Variants in TENM2 observed in about 807,000 individuals in gnomAD.
TENM2 encodes teneurin transmembrane protein 2.
A neutral mutation model predicts 245.2 loss-of-function variants in TENM2; 52 were observed. The observed-to-expected ratio is 0.21, with a 90% confidence interval of 0.17 to 0.27. The LOEUF (loss-of-function observed/expected upper bound fraction) is 0.27. Ranked by LOEUF, TENM2 falls within the 10% of genes least tolerant of loss-of-function variation. The pLI, the probability that TENM2 is intolerant of heterozygous loss-of-function variation, is 1.00. For synonymous variants in TENM2, 1,363 were observed against 1,438.9 expected, an observed-to-expected ratio of 0.95 and a Z score of 1.19; for missense variants, 3,046 against 3,666.8, an observed-to-expected ratio of 0.83 and a Z score of 4.37.
In TENM2 at chr5:167,351,161, ATATG is replaced by A. The variant is rs936381361; in HGVS notation, c.227-24036_227-24033del. ...GGATATATACATATGGATTATATAT[ATATG>A]GGATATATACATATGGGATATATAT... On this transcript the variant is annotated intron_variant, in intron 1 of 28. Transcript: ENST00000518659. Among the ~76,000 whole-genome samples, 11 of 147,268 alleles carry A rather than the reference ATATG, an allele frequency of 7.5e-5. No homozygotes were observed. In the Middle Eastern group the frequency reaches 0.011, roughly 149 times the overall value.
chr5:167,333,008 TAAAG>T (rs1312460648), intron 1 of TENM2, among the ~76,000 whole-genome samples: 1 of 152,018 alleles, frequency 6.6e-6, no homozygotes, highest in Non-Finnish European at 1.5e-5. Context: ...AAAGGGGAAT[TAAAG>T]AAAAAATGGA....
At chr5:167,350,819 G>GAT (rs1384641142) in intron 1 of TENM2, among the ~76,000 whole-genome samples, 2,024 of 95,344 alleles carry the variant, frequency 0.021, 9 homozygotes, top group Middle Eastern at 0.069. Flanking sequence ...TATACATATG[G>GAT]ATATATATAT....
intron 1 of TENM2, among the ~76,000 whole-genome samples, chr5:167,316,024 TTA>T: frequency 6.6e-6 from 1 of 152,288 alleles, no homozygotes; most frequent in East Asian, 1.9e-4. Context: ...TGCTCAAACA[TTA>T]TCTCTTCCTG....
intron 2 of TENM2, among the ~76,000 whole-genome samples, chr5:167,455,608 T>G (rs1765870638): frequency 6.6e-6 from 1 of 152,204 alleles, no homozygotes; most frequent in South Asian, 2.1e-4. Flanking sequence ...TACATTAATT[T>G]TAGTTGATAA....
chr5:168,127,925 C>A (rs1036833002), intron 12 of TENM2, among the ~76,000 whole-genome samples: 3 of 152,194 alleles, frequency 2.0e-5, no homozygotes, highest in South Asian at 2.1e-4. Context: ...AAGTTTGAGA[C>A]CCTCCCCTCT....
chr5:167,001,778 A>G, the TENM2 span, among the ~76,000 whole-genome samples: 1 of 152,176 alleles, frequency 6.6e-6, no homozygotes, highest in Non-Finnish European at 1.5e-5. Flanking sequence ...ACAGCAAAGC[A>G]CATGGTACAA....
intron 14 of TENM2, among the ~76,000 whole-genome samples, chr5:168,194,165 A>G (rs1048742267): frequency 1.3e-5 from 2 of 152,248 alleles, no homozygotes; most frequent in South Asian, 4.1e-4. Flanking sequence ...GAGTGTGTCC[A>G]GGATGCTGGG....
the TENM2 span, among the ~76,000 whole-genome samples, chr5:167,046,860 C>T: frequency 1.3e-5 from 2 of 151,842 alleles, no homozygotes; most frequent in African/African-American, 4.8e-5. Context: ...CCCTTAGCCC[C>T]CCACCCCCCG....
Position 167,638,118 on chromosome 5 carries a change from TG to T in TENM2, c.503-237867del, listed in dbSNP as rs1483674644. Among the ~76,000 whole-genome samples, 206 of 151,134 alleles carry T rather than the reference TG, an allele frequency of 1.4e-3. 2 individuals are homozygous for T. The East Asian group carries it at 0.031, about 23-fold the overall frequency. On this transcript the variant is annotated intron_variant, in intron 2 of 28. Transcript: ENST00000518659. The stretch of plus-strand genomic sequence containing the variant: ...GTGTGTGTGTGTGTGTGTGTGTGTG[TG>T]TGTGTGTGTGTGTGTGTGTGTGTGT...
chr5:167,853,973 A>G (rs919301998), intron 2 of TENM2, among the ~76,000 whole-genome samples: 2 of 152,188 alleles, frequency 1.3e-5, no homozygotes, highest in African/African-American at 4.8e-5. Flanking sequence ...CTACATTTCT[A>G]CTTATTCAGT....
chr5:167,723,108 T>A (rs1297559166), intron 2 of TENM2, among the ~76,000 whole-genome samples: 1 of 151,626 alleles, frequency 6.6e-6, no homozygotes, highest in Non-Finnish European at 1.5e-5. Flanking sequence ...TTTAAAAAAA[T>A]TAAGGCTATT....
the TENM2 span, among the ~76,000 whole-genome samples, chr5:166,990,806 A>G: frequency 5.3e-5 from 8 of 152,304 alleles, no homozygotes; most frequent in African/African-American, 1.9e-4. Flanking sequence ...CACTGTGATC[A>G]TTTTTTGATA....
the TENM2 span, among the ~76,000 whole-genome samples, chr5:167,108,205 AACCTCTGCCT>A: frequency 4.4e-3 from 666 of 152,290 alleles, 5 homozygotes; most frequent in Non-Finnish European, 7.2e-3. Context: ...GACTCACTGC[AACCTCTGCCT>A]CCCAGGTTCA....
the TENM2 span, among the ~76,000 whole-genome samples, chr5:167,091,854 C>A: frequency 4.6e-5 from 7 of 152,224 alleles, no homozygotes; most frequent in Middle Eastern, 6.8e-3. Flanking sequence ...GACTTTTTAT[C>A]AAAAGTTTAA....
intron 2 of TENM2, among the ~76,000 whole-genome samples, chr5:167,680,815 T>C (rs2150375044): frequency 6.6e-6 from 1 of 152,348 alleles, no homozygotes; most frequent in African/African-American, 2.4e-5. Context: ...CCTGTGTAAC[T>C]GAGTTTTTTA....
the TENM2 span, among the ~76,000 whole-genome samples, chr5:167,215,300 G>A: frequency 4.6e-5 from 7 of 152,312 alleles, no homozygotes; most frequent in Admixed American, 3.9e-4. Context: ...GTGTGGGGCA[G>A]GATGTGAGTT....
intron 2 of TENM2, among the ~76,000 whole-genome samples, chr5:167,710,057 G>T (rs1398574366): frequency 3.9e-5 from 6 of 152,148 alleles, no homozygotes; most frequent in Admixed American, 1.3e-4. Context: ...TGGTAGTAGA[G>T]AAATTAAAAG....
chr5:167,746,710 A>AGC (rs1554109884), intron 2 of TENM2, among the ~76,000 whole-genome samples: 43 of 144,972 alleles, frequency 3.0e-4, no homozygotes, highest in African/African-American at 5.9e-4. Context: ...AGAGAGAGAG[A>AGC]GAGAGCTGGA....
intron 1 of TENM2, among the ~76,000 whole-genome samples, chr5:167,336,148 G>A (rs2127800794): frequency 6.7e-6 from 1 of 148,580 alleles, no homozygotes; most frequent in Non-Finnish European, 1.5e-5. Flanking sequence ...TTCATCCATT[G>A]GCTCATCCAA....
Sources: allele counts gnomAD v4.1 joint callset (sites outside exome capture counted in the v4.1 genomes callset), GRCh38; gene constraint gnomAD v4.1.1; transcripts MANE v1.5; gene names NCBI Gene and HGNC (gene_info 2026-07-23, HGNC 2026-07-21).